The following WNK3 variants were observed in gnomAD, a reference collection of about 807,000 sequenced individuals.
The protein encoded by WNK3 is serine/threonine-protein kinase WNK3.
A neutral mutation model predicts 116.7 loss-of-function variants in WNK3; 18 were observed. The observed-to-expected ratio is 0.15, with a 90% CI of 0.11 to 0.23. The LOEUF (loss-of-function observed/expected upper bound fraction) is 0.23. Among genes scored for constraint, WNK3 ranks in the 10% least tolerant of loss-of-function variants. The probability of loss-of-function intolerance (pLI) is 1.00; values close to 1 mark genes in which losing one functional copy is unlikely to be tolerated. For missense variants in WNK3, 993 were observed against 1,323.8 expected (o/e 0.75, Z 3.88); for synonymous variants, 404 against 469.4 (o/e 0.86, Z 1.80).
Position 54,213,228 on chromosome X carries a change from C to T in WNK3, c.4871-11035G>A, listed in dbSNP as rs142847250. Among the ~76,000 whole-genome samples the T allele has an allele frequency of 7.3e-3, 794 of 108,754 alleles. 10 individuals are homozygous for T. The highest frequency in any genetic ancestry group is 0.026 in the African/African-American group (775 of 29,726). 94.4% of individuals were successfully genotyped at this position (108,754 alleles called of 115,157 possible). On this transcript the variant is annotated intron_variant, in intron 22 of 23. Coordinates refer to ENST00000354646, the Ensembl canonical transcript of WNK3. ...CTTGAAATCCTGGGCTCAAGTAATC[C>T]TGCTGCCTCGGCCTCCCAAATGATT...
At chrX:54,212,517 G>A (rs1448692621) in intron 22 of WNK3, among the ~76,000 whole-genome samples, 1 of 112,508 alleles carries the variant, frequency 8.9e-6, no homozygotes, top group Non-Finnish European at 1.9e-5. Flanking sequence ...CATATAAGCG[G>A]GTAAAAGAAC....
At chrX:54,354,620 C>T (rs1557179066) in intron 1 of WNK3, among the ~76,000 whole-genome samples, 2 of 111,034 alleles carry the variant, frequency 1.8e-5, no homozygotes. Context: ...GTGCAGCAAA[C>T]CACCATGGCA....
intron 1 of WNK3, among the ~76,000 whole-genome samples, chrX:54,338,118 T>A (rs1422217419): frequency 9.0e-6 from 1 of 110,622 alleles, no homozygotes; most frequent in East Asian, 2.8e-4. Flanking sequence ...AATTTTTTTT[T>A]AATTTAAAAA....
At chrX:54,204,361 GC>G (rs2067531386) in intron 22 of WNK3, among the ~76,000 whole-genome samples, 1 of 111,189 alleles carries the variant, frequency 9.0e-6, no homozygotes, top group Non-Finnish European at 1.9e-5. Context: ...CAAGTGATCT[GC>G]CTGCCTCAGC....
exon 24 of WNK3, chrX:54,195,897 G>T (rs2067437792): frequency 9.0e-6 from 1 of 111,474 alleles, no homozygotes; most frequent in Admixed American, 9.6e-5. Flanking sequence ...GGTGGCCAAA[G>T]GCAGAACATA....
chrX:54,268,079 T>TACAC (rs1557158185), intron 10 of WNK3, among the ~76,000 whole-genome samples: 1 of 63,744 alleles, frequency 1.6e-5, no homozygotes, highest in East Asian at 4.7e-4. Flanking sequence ...TCTGAATGCG[T>TACAC]GCACACACAC....
intron 2 of WNK3, among the ~76,000 whole-genome samples, chrX:54,321,287 T>C (rs1356994593): frequency 8.9e-6 from 1 of 111,848 alleles, no homozygotes; most frequent in Non-Finnish European, 1.9e-5. Context: ...ATTTATCATG[T>C]TTTTCTTTAA....
intron 22 of WNK3, among the ~76,000 whole-genome samples, chrX:54,204,678 C>T (rs1557142326): frequency 8.9e-6 from 1 of 111,846 alleles, no homozygotes; most frequent in East Asian, 2.8e-4. Context: ...CTTATTCCAG[C>T]GAGGGAGCAA....
exon 24 of WNK3, chrX:54,198,610 G>A (rs1557140906): frequency 4.1e-6 from 5 of 1,208,959 alleles, no homozygotes; most frequent in Non-Finnish European, 5.6e-6. Context: ...TTGGGACAGA[G>A]AAGAAATCCA....
intron 1 of WNK3, among the ~76,000 whole-genome samples, chrX:54,343,364 G>A (rs781939776): frequency 7.3e-5 from 8 of 109,905 alleles, no homozygotes; most frequent in Admixed American, 2.0e-4. Flanking sequence ...AAAATTAGCC[G>A]AGCATGGTGG....
At chrX:54,335,303 C>T (rs1343942921) in intron 1 of WNK3, among the ~76,000 whole-genome samples, 2 of 111,571 alleles carry the variant, frequency 1.8e-5, no homozygotes, top group African/African-American at 3.3e-5. Flanking sequence ...AGATAAAAGA[C>T]GTTCCCTATA....
chrX:54,225,290 A>C (rs1422465830), intron 22 of WNK3, among the ~76,000 whole-genome samples: 6 of 109,524 alleles, frequency 5.5e-5, no homozygotes, highest in African/African-American at 2.0e-4. Flanking sequence ...CACAAAACTT[A>C]TACACTAAAA....
chrX:54,222,912 AATAATATATAT>A (rs1292500362), intron 22 of WNK3, among the ~76,000 whole-genome samples: 1 of 85,154 alleles, frequency 1.2e-5, no homozygotes, highest in Non-Finnish European at 2.1e-5. Flanking sequence ...TAATAATAAT[AATAATATATAT>A]ATATATATAT....
At chrX:54,257,789 C>CA (rs60655785) in intron 11 of WNK3, among the ~76,000 whole-genome samples, 511 of 15,626 alleles carry the variant, frequency 0.033, 73 homozygotes, top group African/African-American at 0.044. Context: ...GACTCTGCCT[C>CA]AAAAAAAAAA....
Position 54,215,779 on chromosome X carries a change from G to A in WNK3, c.4870+12935C>T, listed in dbSNP as rs188550433. Among the ~76,000 whole-genome samples, 670 of 111,795 alleles carry A rather than the reference G, an allele frequency of 6.0e-3. 4 individuals carry two copies. The highest frequency in any genetic ancestry group is 9.0e-3 in the Non-Finnish European group (478 of 53,137). On this transcript the variant is annotated intron_variant, in intron 22 of 23. Transcript: ENST00000354646. ...GCCCGGCCGCCACCCAGTCTGGGAA[G>A]TGTACTCAACAGCTCATTGAGAACG...
intron 1 of WNK3, 41 bp from the exon 2 acceptor site, chrX:54,333,833 A>G: frequency 2.4e-6 from 1 of 424,951 alleles, no homozygotes; most frequent in East Asian, 3.8e-5. Context: ...CACCCTACAA[A>G]GGAAATCATT....
chrX:54,214,124 G>A (rs1174665225), intron 22 of WNK3, among the ~76,000 whole-genome samples: 5 of 110,608 alleles, frequency 4.5e-5, no homozygotes, highest in East Asian at 2.8e-4. Flanking sequence ...TTACAGGCGC[G>A]TGCCACCGCT....
chrX:54,339,167 T>C (rs782444576), intron 1 of WNK3, among the ~76,000 whole-genome samples: 1 of 111,040 alleles, frequency 9.0e-6, no homozygotes, highest in Admixed American at 9.7e-5. Context: ...TAAACGCATC[T>C]AACAACAGAG....
intron 1 of WNK3, among the ~76,000 whole-genome samples, chrX:54,348,186 A>AC (rs1557177998): frequency 3.8e-5 from 4 of 106,374 alleles, no homozygotes; most frequent in Non-Finnish European, 7.8e-5. Flanking sequence ...ATCAAAGGAA[A>AC]TTTTTTTTTT....
Sources: gnomAD v4.1 joint callset for allele counts (sites outside exome capture counted in the v4.1 genomes callset) on GRCh38, gnomAD v4.1.1 for gene constraint, MANE v1.5 for transcripts, NCBI Gene and HGNC (gene_info 2026-07-23, HGNC 2026-07-21) for gene names.